PIAS1: variants seen among roughly 807,000 people sequenced by gnomAD.
PIAS1 encodes protein inhibitor of activated STAT 1.
Under a neutral mutation model 71.3 loss-of-function variants are expected in PIAS1, and 6 were observed. That is an observed-to-expected ratio of 0.08 (90% CI 0.05 to 0.17). The LOEUF (loss-of-function observed/expected upper bound fraction) is 0.17, where lower values mean the gene tolerates loss of function less well. Ranked by LOEUF, PIAS1 falls within the 10% of genes least tolerant of loss-of-function variation. The pLI is 1.00. For synonymous variants in PIAS1, 303 were observed against 292.9 expected (o/e 1.03, Z -0.35); for missense variants, 555 against 793.6 (o/e 0.70, Z 3.61).
In PIAS1 at chr15:68,190,647, TG is replaced by T. The variant is rs2093114956; in HGVS notation, c.*2813del. 3.3e-5 allele frequency: 5 copies of T among 152,048 alleles called. No homozygotes were observed. Among genetic ancestry groups the T allele is most frequent in the African/African-American group, 9.7e-5 (4 of 41,374 alleles). The allele number at this position is 152,048 out of a possible 1,614,324, so 9.4% of individuals were successfully genotyped here. A position where few individuals can be genotyped will look rare whatever the true frequency, so the allele number is the denominator to read the frequency against. On this transcript the variant is annotated 3_prime_UTR_variant, in exon 14 of 14. Transcript: ENST00000249636. This position sits in a 1 kb window ranked among gnomAD's most constrained non-coding sequence, Gnocchi z 4.7. Reference sequence around the variant, plus strand: ...GTTTCTGTACAGTACTGTGTGTGTGTGTGTGTATATATATATACATCTGTAT... The same window carrying T: ...GTTTCTGTACAGTACTGTGTGTGTGTTGTGTATATATATATACATCTGTAT...
At position 68,164,821 on chromosome 15, in the gene PIAS1, ACTTG is replaced by A; in HGVS notation, c.1008+21_1008+24del. 7.1e-7 allele frequency: 1 copy of A among 1,409,116 alleles called. No homozygotes were observed. Among genetic ancestry groups the A allele is most frequent in the Non-Finnish European group, 9.8e-7 (1 of 1,016,594 alleles). The allele number at this position is 1,409,116 out of a possible 1,614,324, so 87.3% of individuals were successfully genotyped here. A position where few individuals can be genotyped will look rare whatever the true frequency, so the allele number is the denominator to read the frequency against. The stretch of plus-strand genomic sequence containing the variant: ...CTATGTCCAGTAAGTGTTAACTATT[ACTTG>A]CTTTCCAGAAAGTTTAACATACATT... On this transcript the variant is annotated intron_variant, in intron 8 of 13. Coordinates refer to ENST00000249636, the MANE Select transcript of PIAS1 (RefSeq NM_016166.3).
chr15:68,064,933 A>T (rs2092000630), intron 1 of PIAS1, among the ~76,000 whole-genome samples: 1 of 152,134 alleles, frequency 6.6e-6, no homozygotes, highest in African/African-American at 2.4e-5. Context: ...GTTTTTTGAG[A>T]TGGGCTTTGC....
rs1253674420 is a variant in PIAS1, at chr15:68,193,510, T to G, written c.*5675T>G. The G allele has an allele frequency of 6.5e-6, 1 of 153,612 alleles. No individual in the cohort carries two copies. Among genetic ancestry groups the G allele is most frequent in the Non-Finnish European group, 1.5e-5 (1 of 68,920 alleles). The allele number at this position is 153,612 out of a possible 1,614,324, so 9.5% of individuals were successfully genotyped here. On this transcript the variant is annotated 3_prime_UTR_variant, in exon 14 of 14. Transcript: ENST00000249636. ...TTACAGCTTTCTGTTCATTGCTGCT[T>G]CTCAGCTAGCACTGGCTTCATCTTG...
intron 2 of PIAS1, among the ~76,000 whole-genome samples, chr15:68,096,080 A>C (rs753751965): frequency 6.6e-6 from 1 of 152,194 alleles, no homozygotes; most frequent in African/African-American, 2.4e-5. Context: ...AAAACAAATA[A>C]ATTAGTTTAT....
At chr15:68,153,762 A>G (rs1419878390) in intron 7 of PIAS1, 67 bp downstream of exon 7, 3 of 821,228 alleles carry the variant, frequency 3.7e-6, no homozygotes, top group Non-Finnish European at 6.2e-6. Context: ...TATTTTCTCA[A>G]CTCAAGAAAT....
chr15:68,126,887 GA>G (rs1385574764), intron 2 of PIAS1, among the ~76,000 whole-genome samples: 2 of 150,530 alleles, frequency 1.3e-5, no homozygotes, highest in African/African-American at 4.9e-5. Flanking sequence ...GCTTTCCTCT[GA>G]TACTTAGTCG....
At chr15:68,130,668 A>T (rs1393200891) in intron 2 of PIAS1, among the ~76,000 whole-genome samples, 10 of 59,954 alleles carry the variant, frequency 1.7e-4, no homozygotes, top group South Asian at 9.7e-4. Context: ...GGTAACACTT[A>T]AAAAAAAAAA....
chr15:68,163,092 C>T lies in PIAS1; in HGVS notation c.935-1639C>T, dbSNP rs1595780195. ...CTTGCCAGCTATGTAGGTAGCCCTT[C>T]GTTTAGTTAGTTGACACCTAAAATT... On this transcript the variant is annotated intron_variant, in intron 7 of 13. Transcript: ENST00000249636. Among the ~76,000 whole-genome samples, 5 of 152,260 alleles carry T rather than the reference C, an allele frequency of 3.3e-5. No homozygotes were observed. The Middle Eastern group carries it at 0.014, about 414-fold the overall frequency.
chr15:68,175,761 G>A lies in PIAS1; in HGVS notation c.1294G>A (p.Val432Ile). ...VQEVSASYNG[V>I]DGCLSSTLEH... is the part of the protein sequence containing the mutation. ...GGAAGTTTCTGCCTCTTACAATGGA[G>A]TCGATGGTGAGTAGTTCTTCACAAG... The change falls in exon 10 of 14, where the codon GTC (valine) becomes ATC (isoleucine). Residue 432 changes from valine (V) to isoleucine (I), a missense_variant. By Grantham distance (29) the Val-to-Ile change is conservative (BLOSUM62 3). Transcript: ENST00000249636. The A allele has an allele frequency of 6.2e-7, 1 of 1,603,076 alleles. No individual in the cohort carries two copies. Among genetic ancestry groups the A allele is most frequent in the Middle Eastern group, 1.7e-4 (1 of 6,026 alleles).
At position 68,167,793 on chromosome 15, in the gene PIAS1, C is replaced by A. The variant is rs1198637538; in HGVS notation, c.1008+2989C>A. ...AGATCTTGGCTCACTGCAACCTCCA[C>A]CTCCCAGGTTCAAGCAATTCCTCTG... On this transcript the variant is annotated intron_variant, in intron 8 of 13. Transcript: ENST00000249636. The surrounding 1 kb of genome is among the most constrained non-coding windows in gnomAD (Gnocchi z 4.4). 6.6e-6 allele frequency among the ~76,000 whole-genome samples: 1 copy of A among 152,122 alleles called. No homozygotes were observed. Among genetic ancestry groups the A allele is most frequent in the South Asian group, 2.1e-4 (1 of 4,820 alleles).
chr15:68,125,200 A>G (rs2092642226), intron 2 of PIAS1, among the ~76,000 whole-genome samples: 1 of 151,440 alleles, frequency 6.6e-6, no homozygotes, highest in South Asian at 2.1e-4. Flanking sequence ...CATTGCCAAA[A>G]TTTTTTTGCC....
chr15:68,155,214 C>T (rs2092879090), intron 7 of PIAS1, among the ~76,000 whole-genome samples: 1 of 152,096 alleles, frequency 6.6e-6, no homozygotes, highest in South Asian at 2.1e-4. Flanking sequence ...CGAGAAACCA[C>T]TATTAGCTAC....
rs1056215598 is a variant in PIAS1, at chr15:68,193,056, G to A, written c.*5221G>A. ...AGTGCTCCTACTACTGTTTTCCAGG[G>A]CTGTTGTACCCTGGCCATTGCTGGT... On this transcript the variant is annotated 3_prime_UTR_variant, in exon 14 of 14. Coordinates refer to ENST00000249636, the MANE Select transcript of PIAS1 (RefSeq NM_016166.3). 2 of 152,262 alleles carry A rather than the reference G, an allele frequency of 1.3e-5. No individual in the cohort carries two copies. Among genetic ancestry groups the A allele is most frequent in the Admixed American group, 6.5e-5 (1 of 15,284 alleles). The allele number at this position is 152,262 out of a possible 1,614,324, so 9.4% of individuals were successfully genotyped here.
chr15:68,061,771 C>T (rs995801612), intron 1 of PIAS1, among the ~76,000 whole-genome samples: 1 of 152,172 alleles, frequency 6.6e-6, no homozygotes, highest in African/African-American at 2.4e-5. Flanking sequence ...CTATCGAAAA[C>T]TGGATAAAGA....
rs1039679666 is a variant in PIAS1, at chr15:68,191,068, G to C, written c.*3233G>C. On this transcript the variant is annotated 3_prime_UTR_variant, in exon 14 of 14. Coordinates refer to ENST00000249636, the MANE Select transcript of PIAS1 (RefSeq NM_016166.3). ...AGCACATTTGAAATTATTTTAGTAA[G>C]AATTTTGTTTTATCAATAGATGTTG... 3 of 152,526 alleles carry C rather than the reference G, an allele frequency of 2.0e-5. No homozygotes were observed. Among genetic ancestry groups the C allele is most frequent in the Non-Finnish European group, 4.4e-5 (3 of 68,020 alleles). 9.4% of individuals were successfully genotyped at this position (152,526 alleles called of 1,614,324 possible).
At chr15:68,154,898 A>T (rs1474663222) in intron 7 of PIAS1, among the ~76,000 whole-genome samples, 3 of 152,174 alleles carry the variant, frequency 2.0e-5, no homozygotes, top group Non-Finnish European at 4.4e-5. Flanking sequence ...AGAGTATAAG[A>T]TAACTTGTCT....
intron 1 of PIAS1, chr15:68,055,186 G>GGGGGTC (rs1237427574): frequency 1.0e-6 from 1 of 984,886 alleles, no homozygotes; most frequent in Non-Finnish European, 1.2e-6. Context: ...AGGAGCCTTT[G>GGGGGTC]GGGGTCTCTG....
chr15:68,128,312 G>A (rs370460532), intron 2 of PIAS1, among the ~76,000 whole-genome samples: 3 of 152,212 alleles, frequency 2.0e-5, no homozygotes, highest in East Asian at 1.9e-4. Flanking sequence ...GGTTACTGGC[G>A]TGTGCCACGA....
chr15:68,156,671 T>G (rs904094632), intron 7 of PIAS1, among the ~76,000 whole-genome samples: 2 of 141,520 alleles, frequency 1.4e-5, no homozygotes, highest in Non-Finnish European at 3.0e-5. Flanking sequence ...ATCGCACCAC[T>G]GCACTCCAGC....
Sources: gnomAD v4.1 joint callset for allele counts (sites outside exome capture counted in the v4.1 genomes callset) on GRCh38, gnomAD v4.1.1 for gene constraint, Gnocchi (gnomAD v3.1) non-coding constraint, MANE v1.5 for transcripts, NCBI Gene and HGNC (gene_info 2026-07-23, HGNC 2026-07-21) for gene names.